Variants in STK33 observed in about 807,000 individuals in gnomAD.
STK33 encodes serine/threonine-protein kinase 33.
A neutral mutation model predicts 58.0 loss-of-function variants in STK33; 52 were observed. That is an observed-to-expected ratio of 0.90 (90% confidence interval 0.72 to 1.13). The LOEUF (loss-of-function observed/expected upper bound fraction) is 1.13. Ranked by LOEUF, STK33 falls within the 50% of genes most tolerant of loss-of-function variation. The probability of loss-of-function intolerance (pLI) is 0.00; values close to 1 mark genes in which losing one functional copy is unlikely to be tolerated. For missense variants in STK33, 630 were observed against 604.2 expected, an observed-to-expected ratio of 1.04 and a Z score of -0.45; for synonymous variants, 215 against 200.1, an observed-to-expected ratio of 1.07 and a Z score of -0.63.
chr11:8,498,796 G>C (rs1213870010), intron 1 of STK33, among the ~76,000 whole-genome samples: 1 of 152,132 alleles, frequency 6.6e-6, no homozygotes, highest in African/African-American at 2.4e-5. Context: ...ACAATCATCT[G>C]ATCTTTGACA....
chr11:8,445,173 G>C (rs1249518344), intron 11 of STK33, among the ~76,000 whole-genome samples: 3 of 151,992 alleles, frequency 2.0e-5, no homozygotes, highest in African/African-American at 7.2e-5. Context: ...CCCTCGATTT[G>C]GCTCTCTGTC....
At chr11:8,546,658 T>C (rs1955938992) in intron 1 of STK33, among the ~76,000 whole-genome samples, 1 of 151,484 alleles carries the variant, frequency 6.6e-6, no homozygotes, top group Non-Finnish European at 1.5e-5. Context: ...CATTAACTTG[T>C]TCATCCCCCA....
intron 15 of STK33, among the ~76,000 whole-genome samples, chr11:8,398,530 A>G (rs1217037221): frequency 3.3e-5 from 5 of 152,236 alleles, no homozygotes; most frequent in African/African-American, 4.8e-5. Flanking sequence ...AAGACCATCA[A>G]GGCTAGGAAG....
intron 1 of STK33, among the ~76,000 whole-genome samples, chr11:8,550,155 G>A (rs959875716): frequency 6.6e-6 from 1 of 152,106 alleles, no homozygotes; most frequent in Non-Finnish European, 1.5e-5. Context: ...CAGTTTTGAA[G>A]AAATATTATT....
At chr11:8,338,844 G>T in the STK33 span, among the ~76,000 whole-genome samples, 13 of 152,228 alleles carry the variant, frequency 8.5e-5, no homozygotes, top group Admixed American at 3.3e-4. Context: ...TGAGGGCCAG[G>T]ACAATCTCTG....
At chr11:8,468,399 A>T (rs1037908980) in intron 6 of STK33, among the ~76,000 whole-genome samples, 1 of 152,172 alleles carries the variant, frequency 6.6e-6, no homozygotes, top group Admixed American at 6.5e-5. Context: ...GGTAAATTAG[A>T]GGCTTGTCTT....
intron 12 of STK33, among the ~76,000 whole-genome samples, chr11:8,440,033 T>C (rs1162731996): frequency 6.6e-6 from 1 of 151,182 alleles, no homozygotes; most frequent in African/African-American, 2.4e-5. Context: ...AGAAAGACCC[T>C]GCAATAGTCT....
At chr11:8,543,397 T>G (rs2140380495) in intron 1 of STK33, among the ~76,000 whole-genome samples, 1 of 152,330 alleles carries the variant, frequency 6.6e-6, no homozygotes, top group Non-Finnish European at 1.5e-5. Flanking sequence ...ATAAGTAAAA[T>G]TTAAATACTC....
intron 1 of STK33, among the ~76,000 whole-genome samples, chr11:8,496,907 C>G (rs1951103294): frequency 1.3e-5 from 2 of 151,666 alleles, no homozygotes; most frequent in African/African-American, 4.8e-5. Context: ...GGTAGCATCC[C>G]CCAAATTAAA....
the STK33 span, among the ~76,000 whole-genome samples, chr11:8,336,336 G>A: frequency 1.3e-5 from 2 of 152,232 alleles, no homozygotes; most frequent in Non-Finnish European, 2.9e-5. Flanking sequence ...CAGTGGGTGG[G>A]ACAATGGCAG....
At chr11:8,547,688 GTT>G (rs1956031969) in intron 1 of STK33, among the ~76,000 whole-genome samples, 1 of 152,134 alleles carries the variant, frequency 6.6e-6, no homozygotes, top group Admixed American at 6.5e-5. Context: ...GCTTCACTCT[GTT>G]GTTTCCTTTG....
chr11:8,461,693 T>C (rs1947537941), intron 8 of STK33, 112 bp downstream of exon 8: 8 of 685,508 alleles, frequency 1.2e-5, no homozygotes, highest in Non-Finnish European at 1.8e-5. Flanking sequence ...AGTGACAGAC[T>C]CATGGCCAAG....
At chr11:8,447,524 A>T (rs1945658902) in intron 11 of STK33, among the ~76,000 whole-genome samples, 1 of 152,240 alleles carries the variant, frequency 6.6e-6, no homozygotes, top group Non-Finnish European at 1.5e-5. Flanking sequence ...AAACAGAACC[A>T]ACGACAAAAA....
chr11:8,349,573 C>A, the STK33 span, among the ~76,000 whole-genome samples: 3 of 152,220 alleles, frequency 2.0e-5, no homozygotes, highest in Non-Finnish European at 4.4e-5. Context: ...CCTCTGACCA[C>A]CTCACATTCA....
At chr11:8,558,436 T>TA (rs1956911392) in intron 1 of STK33, among the ~76,000 whole-genome samples, 1 of 151,694 alleles carries the variant, frequency 6.6e-6, no homozygotes, top group African/African-American at 2.4e-5. Flanking sequence ...CGAAACCTAA[T>TA]AAAAAATCAT....
intron 1 of STK33, among the ~76,000 whole-genome samples, chr11:8,542,200 T>A (rs963272058): frequency 1.3e-5 from 2 of 152,224 alleles, no homozygotes; most frequent in African/African-American, 4.8e-5. Context: ...AATCAACTAT[T>A]AGTTTTAAAA....
chr11:8,373,702 C>A, the STK33 span, among the ~76,000 whole-genome samples: 1 of 152,134 alleles, frequency 6.6e-6, no homozygotes, highest in Non-Finnish European at 1.5e-5. Context: ...CTCTTCACAG[C>A]GGGATCATCC....
At chr11:8,503,209 A>C (rs1398808763) in intron 1 of STK33, among the ~76,000 whole-genome samples, 3 of 152,228 alleles carry the variant, frequency 2.0e-5, no homozygotes, top group Non-Finnish European at 4.4e-5. Flanking sequence ...AAAGACATGG[A>C]ATCAACCTAA....
At chr11:8,384,500 C>T in the STK33 span, among the ~76,000 whole-genome samples, 2 of 152,338 alleles carry the variant, frequency 1.3e-5, no homozygotes, top group East Asian at 1.9e-4. Flanking sequence ...GAGGCTTAAA[C>T]GTCTCCTTGT....
Sources: allele counts gnomAD v4.1 joint callset (sites outside exome capture counted in the v4.1 genomes callset), GRCh38; gene constraint gnomAD v4.1.1; transcripts MANE v1.5; gene names NCBI Gene and HGNC (gene_info 2026-07-23, HGNC 2026-07-21).